The following ZFHX3 variants were observed in gnomAD, a reference collection of about 807,000 sequenced individuals.
The protein encoded by ZFHX3 is zinc finger homeobox 3.
ZFHX3 carries 42 observed loss-of-function variants against 279.1 expected under a neutral mutation model. The ratio of observed to expected loss-of-function variants is 0.15; its 90% CI spans 0.12 to 0.19. The LOEUF (loss-of-function observed/expected upper bound fraction) is 0.19, where lower values mean the gene tolerates loss of function less well. ZFHX3 is among the 10% of genes least tolerant of loss of function. The pLI is 1.00. For synonymous variants in ZFHX3, 2,293 were observed against 1,957.8 expected, an observed-to-expected ratio of 1.17 and a Z score of -4.52; for missense variants, 4,981 against 4,754.0, an observed-to-expected ratio of 1.05 and a Z score of -1.40.
At chr16:73,672,130 A>T (rs1251285923) in intron 2 of ZFHX3, among the ~76,000 whole-genome samples, 1 of 152,188 alleles carries the variant, frequency 6.6e-6, no homozygotes, top group East Asian at 1.9e-4. Flanking sequence ...TATATAAGAC[A>T]GATTCAGATA....
chr16:73,817,869 T>A (rs1217815357), intron 1 of ZFHX3, among the ~76,000 whole-genome samples: 1 of 152,202 alleles, frequency 6.6e-6, no homozygotes, highest in Non-Finnish European at 1.5e-5. Context: ...GCCCAGCACC[T>A]ATTTATGAGT....
At chr16:72,803,803 T>A (rs572310477) in intron 7 of ZFHX3, among the ~76,000 whole-genome samples, 1 of 152,326 alleles carries the variant, frequency 6.6e-6, no homozygotes, top group East Asian at 1.9e-4. Context: ...AAGACAAAAG[T>A]TTTTCTGGTT....
At chr16:73,513,315 A>G (rs186177757) in intron 2 of ZFHX3, among the ~76,000 whole-genome samples, 1 of 152,288 alleles carries the variant, frequency 6.6e-6, no homozygotes. Context: ...AAACCTATAT[A>G]TCATCATATA....
chr16:72,975,505 A>C (rs1009290901), intron 1 of ZFHX3, among the ~76,000 whole-genome samples: 8 of 152,300 alleles, frequency 5.3e-5, no homozygotes, highest in Non-Finnish European at 8.8e-5. Context: ...GGGGATCATG[A>C]AACGTGATCA....
intron 4 of ZFHX3, among the ~76,000 whole-genome samples, chr16:73,267,538 C>G (rs1436509417): frequency 1.3e-5 from 2 of 152,166 alleles, no homozygotes; most frequent in African/African-American, 2.4e-5. Context: ...CATTTTTATA[C>G]AAAAGGGACG....
chr16:73,868,327 G>A (rs1962080625), intron 1 of ZFHX3, among the ~76,000 whole-genome samples: 1 of 152,184 alleles, frequency 6.6e-6, no homozygotes, highest in Non-Finnish European at 1.5e-5. Context: ...TTCAAGACCA[G>A]CCTGGCCAAC....
At chr16:73,484,915 C>G (rs2018946482) in intron 2 of ZFHX3, among the ~76,000 whole-genome samples, 1 of 151,844 alleles carries the variant, frequency 6.6e-6, no homozygotes, top group South Asian at 2.1e-4. Context: ...ACTTGGATAA[C>G]TGAAAGGATA....
chr16:73,206,218 C>T (rs568519172), intron 5 of ZFHX3, among the ~76,000 whole-genome samples: 3 of 152,306 alleles, frequency 2.0e-5, no homozygotes, highest in South Asian at 2.1e-4. Flanking sequence ...ATATACCACA[C>T]ATGGATTACC....
intron 2 of ZFHX3, among the ~76,000 whole-genome samples, chr16:73,505,474 G>A (rs1180804996): frequency 2.6e-5 from 4 of 151,384 alleles, no homozygotes; most frequent in South Asian, 2.1e-4. Flanking sequence ...GGGGCAATTC[G>A]TCTCCTTATT....
At position 72,787,743 on chromosome 16, in the gene ZFHX3, A is replaced by ACCGCCGCCGCCG. The variant is rs762513291; in HGVS notation, c.10521_10532dup (p.Gly3509_Gly3512dup). 3 of 1,376,072 alleles carry ACCGCCGCCGCCG rather than the reference A, an allele frequency of 2.2e-6. No homozygotes were observed. The highest frequency in any genetic ancestry group is 2.5e-5 in the Admixed American group (1 of 40,082). 85.2% of individuals were successfully genotyped at this position (1,376,072 alleles called of 1,614,324 possible). A position where few individuals can be genotyped will look rare whatever the true frequency, so the allele number is the denominator to read the frequency against. ...CACCGCCGCCGCCGCCGCCACTGCC[A>ACCGCCGCCGCCG]CCGCCGCCGCCGCCGGTGGGGACGT... is the stretch of plus-strand genomic sequence containing the variant. On this transcript the variant is annotated inframe_insertion, in exon 10 of 10. Transcript: ENST00000268489.
At chr16:73,234,509 G>A (rs1375172974) in intron 5 of ZFHX3, among the ~76,000 whole-genome samples, 1 of 152,194 alleles carries the variant, frequency 6.6e-6, no homozygotes, top group Non-Finnish European at 1.5e-5. Flanking sequence ...GAAAACAAAT[G>A]ATCCTCTTTA....
At chr16:73,129,156 T>A (rs1036470789) in intron 7 of ZFHX3, among the ~76,000 whole-genome samples, 13 of 152,122 alleles carry the variant, frequency 8.5e-5, no homozygotes, top group African/African-American at 2.7e-4. Flanking sequence ...GAGGCTGAAG[T>A]GGGCAGATCA....
rs148514293 is a variant in ZFHX3 at position 73,213,832 on chromosome 16, T to C, written c.-1104+43215A>G. ...TTGAGTGCAGATACATGTCTCAAAT[T>C]CTGGCTGAACATCAGCTGTCCTCTC... is the stretch of plus-strand genomic sequence containing the variant. On this transcript the variant is annotated intron_variant, in intron 5 of 17. Coordinates refer to the ZFHX3 transcript ENST00000641206. Among the ~76,000 whole-genome samples, 354 of 152,276 alleles carry C rather than the reference T, an allele frequency of 2.3e-3. 2 individuals are homozygous for C. Among genetic ancestry groups the C allele is most frequent in the African/African-American group, 8.2e-3 (340 of 41,556 alleles).
chr16:73,681,952 G>C (rs1246644619), intron 1 of ZFHX3, among the ~76,000 whole-genome samples: 1 of 152,022 alleles, frequency 6.6e-6, no homozygotes, highest in African/African-American at 2.4e-5. Flanking sequence ...TAATAAATAG[G>C]GATAATGATA....
intron 4 of ZFHX3, among the ~76,000 whole-genome samples, chr16:73,313,118 G>T (rs1193848597): frequency 6.6e-6 from 1 of 152,124 alleles, no homozygotes; most frequent in African/African-American, 2.4e-5. Context: ...AGATCTGATG[G>T]TTTAAAAGTG....
rs1943193384 is a variant in ZFHX3, at chr16:73,037,941, T to TA, written c.-50+9810dup. ...CATAAATCGTAACTGGCCCCAGGCA[T>TA]ACGGTTATCTGGGAAGCTGCACACC... On this transcript the variant is annotated intron_variant, in intron 1 of 9. Coordinates refer to ENST00000268489, the MANE Select transcript of ZFHX3 (RefSeq NM_006885.4). Among the ~76,000 whole-genome samples, 3 of 152,204 alleles carry TA rather than the reference T, an allele frequency of 2.0e-5. No homozygotes were observed. The South Asian group carries it at 6.2e-4, about 31-fold the overall frequency.
intron 2 of ZFHX3, among the ~76,000 whole-genome samples, chr16:73,653,070 G>A (rs532077132): frequency 6.6e-6 from 1 of 152,022 alleles, no homozygotes; most frequent in South Asian, 2.1e-4. Context: ...GAAGAAAAGT[G>A]GTGTAGCTAT....
At chr16:73,268,258 A>C (rs1308059674) in intron 4 of ZFHX3, among the ~76,000 whole-genome samples, 1 of 152,046 alleles carries the variant, frequency 6.6e-6, no homozygotes, top group African/African-American at 2.4e-5. Flanking sequence ...TCCCATATGG[A>C]GTAGGAAATT....
chr16:73,379,473 T>TATC (rs2016783360), intron 3 of ZFHX3, among the ~76,000 whole-genome samples: 1 of 152,208 alleles, frequency 6.6e-6, no homozygotes, highest in South Asian at 2.1e-4. Flanking sequence ...TTACAGGCTG[T>TATC]ATCTCCATAG....
Sources: allele counts gnomAD v4.1 joint callset (sites outside exome capture counted in the v4.1 genomes callset), GRCh38; gene constraint gnomAD v4.1.1; transcripts MANE v1.5; gene names NCBI Gene and HGNC (gene_info 2026-07-23, HGNC 2026-07-21).